The following CREB3L3 variants were observed in gnomAD, a reference collection of about 807,000 sequenced individuals.
The protein encoded by CREB3L3 is cyclic AMP-responsive element-binding protein 3-like protein 3.
Under a neutral mutation model 44.6 loss-of-function variants are expected in CREB3L3, and 40 were observed. The observed-to-expected ratio is 0.90, with a 90% CI of 0.70 to 1.17. The LOEUF (loss-of-function observed/expected upper bound fraction) is 1.17. Among genes scored for constraint, CREB3L3 ranks in the 50% most tolerant of loss-of-function variants. The pLI, the probability that CREB3L3 is intolerant of heterozygous loss-of-function variation, is 0.00. For missense variants in CREB3L3, 578 were observed against 595.8 expected (o/e 0.97, Z 0.31); for synonymous variants, 273 against 256.3 (o/e 1.06, Z -0.62).
At chr19:4,164,427 A>T in intron 4 of CREB3L3, 76 bp from the exon 5 acceptor site, 1 of 1,590,674 alleles carries the variant, frequency 6.3e-7, no homozygotes, top group Non-Finnish European at 8.6e-7. Flanking sequence ...AGTGTTTTCG[A>T]TCTGATACCT....
chr19:4,155,585 T>C (rs1222095778), intron 2 of CREB3L3, among the ~76,000 whole-genome samples: 1 of 151,896 alleles, frequency 6.6e-6, no homozygotes, highest in Non-Finnish European at 1.5e-5. Flanking sequence ...CTTGAACTCC[T>C]GACCTTGTGA....
At chr19:4,160,777 A>G (rs2145125948) in intron 4 of CREB3L3, among the ~76,000 whole-genome samples, 1 of 149,926 alleles carries the variant, frequency 6.7e-6, no homozygotes, top group East Asian at 2.0e-4. Flanking sequence ...TCTGTCACCT[A>G]GGCTGGAGTG....
chr19:4,156,844 G>A lies in CREB3L3; in HGVS notation c.157-151G>A, dbSNP rs350872. On this transcript the variant is annotated intron_variant, in intron 2 of 9. Transcript: ENST00000078445. The stretch of plus-strand genomic sequence containing the variant: ...GCTATGTTACTGCGTTTGAGCCTCA[G>A]CAGCCCCGGGAGGAAGAAGCAGTAA... 281,883 of 778,606 alleles carry A rather than the reference G, an allele frequency of 0.36. 53,165 individuals are homozygous for A. The highest frequency in any genetic ancestry group is 0.54 in the African/African-American group (30,915 of 56,746). 48.2% of individuals were successfully genotyped at this position (778,606 alleles called of 1,614,324 possible). A position where few individuals can be genotyped will look rare whatever the true frequency, so the allele number is the denominator to read the frequency against.
intron 4 of CREB3L3, among the ~76,000 whole-genome samples, chr19:4,160,075 C>T (rs1335141815): frequency 6.6e-6 from 1 of 151,964 alleles, no homozygotes; most frequent in Admixed American, 6.6e-5. Context: ...GCAGGCAGAT[C>T]GCTTGAGCTC....
intron 4 of CREB3L3, among the ~76,000 whole-genome samples, chr19:4,162,871 G>T (rs2041677785): frequency 1.3e-5 from 2 of 152,174 alleles, no homozygotes; most frequent in Non-Finnish European, 2.9e-5. Context: ...CAGCTACTCG[G>T]GAAGCTGAAG....
rs764939844 is a variant in CREB3L3, at chr19:4,159,789, AC to A, written c.576+12del. 29 of 1,179,498 alleles carry A rather than the reference AC, an allele frequency of 2.5e-5. No individual in the cohort carries two copies. The Admixed American group carries it at 4.5e-4, about 18-fold the overall frequency. The allele number at this position is 1,179,498 out of a possible 1,614,324, so 73.1% of individuals were successfully genotyped here. ...GGGCAGCAGTGGGGACCTGGTGAGC[AC>A]CCCCACACCCTCCCATGGGGCGTTG... On this transcript the variant is annotated splice_region_variant and intron_variant, in intron 4 of 9. Coordinates refer to ENST00000078445, the MANE Select transcript of CREB3L3 (RefSeq NM_032607.3).
chr19:4,158,355 G>A (rs188114964), intron 3 of CREB3L3, among the ~76,000 whole-genome samples: 273 of 151,836 alleles, frequency 1.8e-3, no homozygotes, highest in Middle Eastern at 3.4e-3. Flanking sequence ...AAATTAGCCG[G>A]GCATGGTGGG....
At chr19:4,170,020 A>G in intron 6 of CREB3L3, 120 bp from the exon 7 acceptor site, 1 of 939,022 alleles carries the variant, frequency 1.1e-6, no homozygotes, top group South Asian at 1.3e-5. Flanking sequence ...TGGATGAATG[A>G]CTTCCCCTCT....
chr19:4,154,649 C>T (rs1480210566), intron 1 of CREB3L3, among the ~76,000 whole-genome samples: 2 of 152,120 alleles, frequency 1.3e-5, no homozygotes, highest in Non-Finnish European at 2.9e-5. Context: ...GCTGAGATTA[C>T]AGGCATGAGC....
At chr19:4,154,533 C>A (rs1243356778) in intron 1 of CREB3L3, among the ~76,000 whole-genome samples, 1 of 152,076 alleles carries the variant, frequency 6.6e-6, no homozygotes, top group Non-Finnish European at 1.5e-5. Flanking sequence ...CCGCAGCCAG[C>A]TAATTTTTTT....
chr19:4,168,274 C>A, intron 5 of CREB3L3, 77 bp from the exon 6 acceptor site: 1 of 1,123,204 alleles, frequency 8.9e-7, no homozygotes. Context: ...GCTGGGATTA[C>A]AGGCGAGAGC....
chr19:4,157,280 G>A lies in CREB3L3; in HGVS notation c.442G>A (p.Val148Met), dbSNP rs767820027. 2 of 1,614,034 alleles carry A rather than the reference G, an allele frequency of 1.2e-6. No homozygotes were observed. Among genetic ancestry groups the A allele is most frequent in the South Asian group, 2.2e-5 (2 of 91,082 alleles). ...AGTGATCCAAGTACCTGAAGCCTCT[G>A]TGACCATAGACCTGGGTGAGTCCTG... ...GPVIQVPEASVTIDLEMWSPG... is the reference protein window; with the variant it reads ...GPVIQVPEASMTIDLEMWSPG... Residue 148 changes from valine (V) to methionine (M), a missense_variant, in exon 3 of 10, where the codon GTG (valine) becomes ATG (methionine). Val to Met is a conservative substitution (Grantham distance 21, BLOSUM62 1). Transcript: ENST00000078445.
Position 4,160,911 on chromosome 19 carries a change from CTTTTTTT to C in CREB3L3, c.576+1141_576+1147del, listed in dbSNP as rs36008635. Among the ~76,000 whole-genome samples the C allele has an allele frequency of 1.2e-4, 6 of 51,030 alleles. 1 individual carries two copies. The highest frequency in any genetic ancestry group is 4.1e-4 in the African/African-American group (5 of 12,092). 33.5% of individuals were successfully genotyped at this position (51,030 alleles called of 152,430 possible). ...GCGCCACCTGTCTAATTTTTCTTTTCTTTTTTTTTTTTTTTTTTGAGACGGAGTCTTG... is the reference window on the plus strand; with the variant it reads ...GCGCCACCTGTCTAATTTTTCTTTTCTTTTTTTTTTTGAGACGGAGTCTTG... On this transcript the variant is annotated intron_variant, in intron 4 of 9. Transcript: ENST00000078445.
rs756078544 is a variant in CREB3L3, at chr19:4,171,045, AC to A, written c.891-44del. ...ACCCCGGAAATGGACGAGAAGCAGA[AC>A]CGAGGCCCTTTAGGGCTCAGCGGAG... On this transcript the variant is annotated intron_variant, in intron 7 of 9. Transcript: ENST00000078445. This position sits in a 1 kb window ranked among gnomAD's most constrained non-coding sequence, Gnocchi z 4.9. 14 of 1,488,774 alleles carry A rather than the reference AC, an allele frequency of 9.4e-6. No individual in the cohort carries two copies. In the East Asian group the frequency reaches 3.2e-4, roughly 34 times the overall value. 92.2% of individuals were successfully genotyped at this position (1,488,774 alleles called of 1,614,324 possible). A position where few individuals can be genotyped will look rare whatever the true frequency, so the allele number is the denominator to read the frequency against.
In CREB3L3 at chr19:4,154,988, C is replaced by T. The variant is rs1259051068; in HGVS notation, c.117C>T (p.His39=). 43 of 1,612,114 alleles carry T rather than the reference C, an allele frequency of 2.7e-5. No homozygotes were observed. The highest frequency in any genetic ancestry group is 3.4e-5 in the Non-Finnish European group (40 of 1,180,026). Residue 39 remains histidine, a synonymous_variant, in exon 2 of 10, where the codon CAC becomes CAT. Coordinates refer to ENST00000078445, the MANE Select transcript of CREB3L3 (RefSeq NM_032607.3). ...LFDRQDGILR[H]VELGEGWGHV... is the part of the protein sequence containing the mutation. ...ACCGGCAGGACGGCATCCTGAGACA[C>T]GTGGAGCTGGGCGAGGGCTGGGGTC...
chr19:4,157,099 T>C lies in CREB3L3; in HGVS notation c.261T>C (p.Ser87=). The C allele has an allele frequency of 6.2e-7, 1 of 1,613,990 alleles. No individual in the cohort carries two copies. ...TCTGGTCCCCCGAAGGCAGTGATAG[T>C]GGCATCTCCGAAGACCTCCCCTCCG... ...SPLWSPEGSD[S]GISEDLPSDP... Residue 87 remains serine (S), a synonymous_variant, in exon 3 of 10, where the codon AGT becomes AGC. Transcript: ENST00000078445.
intron 2 of CREB3L3, among the ~76,000 whole-genome samples, chr19:4,156,572 T>G (rs2041581495): frequency 6.7e-6 from 1 of 150,104 alleles, no homozygotes; most frequent in Non-Finnish European, 1.5e-5. Flanking sequence ...TGGCGTGATC[T>G]CGGCTCACTG....
rs747418791 is a variant in CREB3L3 at position 4,154,915 on chromosome 19, G to A, written c.44G>A (p.Cys15Tyr). 3 of 1,613,928 alleles carry A rather than the reference G, an allele frequency of 1.9e-6. No individual in the cohort carries two copies. The highest frequency in any genetic ancestry group is 2.2e-5 in the South Asian group (2 of 91,090). Residue 15 changes from cysteine (C) to tyrosine (Y), a missense_variant, in exon 2 of 10, where the codon TGC (cysteine) becomes TAC (tyrosine). Cys to Tyr is a radical substitution (Grantham distance 194, BLOSUM62 -2). Coordinates refer to ENST00000078445, the MANE Select transcript of CREB3L3 (RefSeq NM_032607.3). ...GCGCCCCAGATGGCTTCTGCTGCCT[G>A]CTCCATGGACCCCATCGACAGCTTT... ...LAAGKMASAA[C>Y]SMDPIDSFEL...
rs765137738 is a variant in CREB3L3, at chr19:4,170,162, A to C, written c.844A>C (p.Asn282His). Residue 282 changes from asparagine to histidine, a missense_variant, in exon 7 of 10, where the codon AAT becomes CAT. Asn to His is a moderately conservative substitution (Grantham distance 68, BLOSUM62 1). Coordinates refer to ENST00000078445, the MANE Select transcript of CREB3L3 (RefSeq NM_032607.3). ...CAGGATGTCAGCTTGCACTGCTCAG[A>C]ATCAGGAGTTACAGAGGAAAGTCTT... The part of the protein sequence containing the change: ...ETRMSACTAQ[N>H]QELQRKVLHL... 2.5e-6 allele frequency: 4 copies of C among 1,613,962 alleles called. No homozygotes were observed. The South Asian group carries it at 4.4e-5, about 18-fold the overall frequency.
Sources: gnomAD v4.1 joint callset for allele counts (sites outside exome capture counted in the v4.1 genomes callset) on GRCh38, gnomAD v4.1.1 for gene constraint, Gnocchi (gnomAD v3.1) non-coding constraint, MANE v1.5 for transcripts, NCBI Gene and HGNC (gene_info 2026-07-23, HGNC 2026-07-21) for gene names.